FNBP1L: variants seen among roughly 807,000 people sequenced by gnomAD.
FNBP1L encodes formin-binding protein 1-like.
In FNBP1L, 36 loss-of-function variants were observed where a neutral mutation model predicts 91.2. The ratio of observed to expected loss-of-function variants is 0.39; its 90% CI spans 0.30 to 0.52. The LOEUF (loss-of-function observed/expected upper bound fraction) is 0.52, where lower values mean the gene tolerates loss of function less well. Ranked by LOEUF, FNBP1L falls within the 20% of genes least tolerant of loss-of-function variation. The pLI is 0.66. For missense variants in FNBP1L, 571 were observed against 732.1 expected, an observed-to-expected ratio of 0.78 and a Z score of 2.54; for synonymous variants, 242 against 237.0, an observed-to-expected ratio of 1.02 and a Z score of -0.19.
At chr1:93,460,722 A>T (rs937029676) in intron 1 of FNBP1L, among the ~76,000 whole-genome samples, 1 of 152,240 alleles carries the variant, frequency 6.6e-6, no homozygotes, top group Non-Finnish European at 1.5e-5. Context: ...TGTGGAGTGT[A>T]GAAAAGTTGA....
intron 2 of FNBP1L, among the ~76,000 whole-genome samples, chr1:93,502,775 TAGC>T (rs1195574702): frequency 1.3e-5 from 2 of 152,220 alleles, no homozygotes; most frequent in East Asian, 1.9e-4. Flanking sequence ...TGATTCTCAA[TAGC>T]AGCGATTCTC....
At chr1:93,522,413 A>G (rs1671359378) in intron 3 of FNBP1L, among the ~76,000 whole-genome samples, 1 of 152,152 alleles carries the variant, frequency 6.6e-6, no homozygotes, top group Admixed American at 6.5e-5. Context: ...GAAGAAAAGG[A>G]TATTTTTCAT....
chr1:93,541,676 C>T (rs1281394008), intron 11 of FNBP1L, among the ~76,000 whole-genome samples: 2 of 152,040 alleles, frequency 1.3e-5, no homozygotes, highest in Non-Finnish European at 2.9e-5. Context: ...ACATTAGGAA[C>T]TAACCCCAAA....
At chr1:93,468,631 A>G (rs1285221839) in intron 1 of FNBP1L, among the ~76,000 whole-genome samples, 16 of 152,088 alleles carry the variant, frequency 1.1e-4, no homozygotes, top group Non-Finnish European at 2.2e-4. Context: ...GGGTTTTGCC[A>G]TGTTGCCCAG....
chr1:93,537,355 C>T (rs896216917), intron 10 of FNBP1L, among the ~76,000 whole-genome samples: 2 of 152,008 alleles, frequency 1.3e-5, no homozygotes, highest in Non-Finnish European at 2.9e-5. Context: ...TTTCGTTCTT[C>T]CTTCTTAGAC....
chr1:93,509,701 G>A (rs540742646), intron 2 of FNBP1L, among the ~76,000 whole-genome samples: 146 of 152,332 alleles, frequency 9.6e-4, no homozygotes, highest in Non-Finnish European at 1.7e-3. Flanking sequence ...CTGAGGTACC[G>A]GGTTCATCTC....
intron 2 of FNBP1L, among the ~76,000 whole-genome samples, chr1:93,516,063 C>T (rs1671095245): frequency 6.6e-6 from 1 of 152,102 alleles, no homozygotes; most frequent in Non-Finnish European, 1.5e-5. Context: ...TAGACTCCTC[C>T]AGTCTCTTGG....
chr1:93,464,313 T>G (rs1033442495), intron 1 of FNBP1L, among the ~76,000 whole-genome samples: 1 of 152,222 alleles, frequency 6.6e-6, no homozygotes, highest in Non-Finnish European at 1.5e-5. Flanking sequence ...TGTAAAGATA[T>G]GTACAATTTT....
intron 9 of FNBP1L, among the ~76,000 whole-genome samples, chr1:93,535,328 A>G (rs1310770754): frequency 1.3e-5 from 2 of 152,134 alleles, no homozygotes; most frequent in Non-Finnish European, 2.9e-5. Context: ...TATCATCCAT[A>G]TGAGTTTTTA....
At chr1:93,529,952 A>G (rs960462855) in intron 6 of FNBP1L, among the ~76,000 whole-genome samples, 196 bp downstream of exon 6, 7 of 152,204 alleles carry the variant, frequency 4.6e-5, no homozygotes, top group Non-Finnish European at 8.8e-5. Context: ...ATTTATTACA[A>G]TATCTTAGCT....
At chr1:93,492,747 C>A (rs1670137609) in intron 1 of FNBP1L, among the ~76,000 whole-genome samples, 2 of 151,494 alleles carry the variant, frequency 1.3e-5, no homozygotes, top group South Asian at 4.2e-4. Flanking sequence ...TATGATGGTG[C>A]CACTACATTC....
chr1:93,480,720 G>A (rs1281083368), intron 1 of FNBP1L, among the ~76,000 whole-genome samples: 1 of 151,898 alleles, frequency 6.6e-6, no homozygotes, highest in Non-Finnish European at 1.5e-5. Context: ...CTGCCACCAC[G>A]CCCGGCTAAT....
intron 1 of FNBP1L, among the ~76,000 whole-genome samples, chr1:93,469,239 C>T: frequency 6.6e-6 from 1 of 150,934 alleles, no homozygotes; most frequent in Non-Finnish European, 1.5e-5. Context: ...TCCCCTAACC[C>T]CCCACCCCCC....
At chr1:93,449,079 C>T (rs943138788) in intron 1 of FNBP1L, among the ~76,000 whole-genome samples, 1 of 152,256 alleles carries the variant, frequency 6.6e-6, no homozygotes, top group Non-Finnish European at 1.5e-5. Context: ...TGCTTTACTT[C>T]CCTTTCCGTT....
chr1:93,491,272 T>C (rs932115816), intron 1 of FNBP1L, among the ~76,000 whole-genome samples: 6 of 152,202 alleles, frequency 3.9e-5, no homozygotes, highest in African/African-American at 1.4e-4. Flanking sequence ...TTAAAAACTT[T>C]CTACTTTATA....
At chr1:93,537,684 A>G (rs1373676840) in intron 10 of FNBP1L, among the ~76,000 whole-genome samples, 2 of 152,118 alleles carry the variant, frequency 1.3e-5, no homozygotes, top group African/African-American at 2.4e-5. Flanking sequence ...AAAAGTCCCC[A>G]TGGATGAGTC....
At position 93,536,427 on chromosome 1, in the gene FNBP1L, T is replaced by C. The variant is rs1422187989; in HGVS notation, c.1086T>C (p.Tyr362=). 2 of 1,550,734 alleles carry C rather than the reference T, an allele frequency of 1.3e-6. No individual in the cohort carries two copies. Among genetic ancestry groups the C allele is most frequent in the East Asian group, 2.4e-5 (1 of 40,878 alleles). ...FLTFSIEPVH[Y]CMNEIKTGKP... The stretch of plus-strand genomic sequence containing the variant: ...CATTCTCCATTGAGCCCGTGCATTA[T>C]TGTATGAATGAAATAAAAACAGGGA... Residue 362 remains tyrosine (Y), a synonymous_variant, in exon 10 of 17, where the codon TAT becomes TAC. Coordinates refer to ENST00000271234, the MANE Select transcript of FNBP1L (RefSeq NM_001164473.3).
rs139883536 is a variant in FNBP1L at position 93,509,503 on chromosome 1, C to A, written c.140+9920C>A. 7.9e-4 allele frequency among the ~76,000 whole-genome samples: 121 copies of A among 152,250 alleles called. 3 individuals carry two copies. The East Asian group carries it at 0.022, about 28-fold the overall frequency. On this transcript the variant is annotated intron_variant, in intron 2 of 16. Coordinates refer to ENST00000271234, the MANE Select transcript of FNBP1L (RefSeq NM_001164473.3). ...AGAAATGCATTTCCACAAGCTGTTA[C>A]AAAAGAAGGGTAGTGATACAGGTAG...
chr1:93,457,514 T>C (rs1464111074), intron 1 of FNBP1L, among the ~76,000 whole-genome samples: 1 of 152,158 alleles, frequency 6.6e-6, no homozygotes, highest in Non-Finnish European at 1.5e-5. Context: ...TATCTCTTGC[T>C]AGACTAGCAA....
Sources: gnomAD v4.1 joint callset for allele counts (sites outside exome capture counted in the v4.1 genomes callset) on GRCh38, gnomAD v4.1.1 for gene constraint, MANE v1.5 for transcripts, NCBI Gene and HGNC (gene_info 2026-07-23, HGNC 2026-07-21) for gene names.